The following RANBP2 variants were observed in gnomAD, a reference collection of about 807,000 sequenced individuals.
RANBP2 encodes RAN binding protein 2.
Under a neutral mutation model 303.6 loss-of-function variants are expected in RANBP2, and 57 were observed. The observed-to-expected ratio is 0.19, with a 90% CI of 0.15 to 0.23. RANBP2 has a LOEUF of 0.23. RANBP2 is among the 10% of genes least tolerant of loss of function. The probability of loss-of-function intolerance (pLI) is 1.00; values close to 1 mark genes in which losing one functional copy is unlikely to be tolerated. For synonymous variants in RANBP2, 1,167 were observed against 1,301.5 expected, an observed-to-expected ratio of 0.90 and a Z score of 2.23; for missense variants, 3,138 against 3,780.8, an observed-to-expected ratio of 0.83 and a Z score of 4.46.
chr2:109,623,165 TC>T, the RANBP2 span, among the ~76,000 whole-genome samples: 1 of 152,132 alleles, frequency 6.6e-6, no homozygotes, highest in Non-Finnish European at 1.5e-5. Flanking sequence ...AAAAGATAGT[TC>T]ATTTTGGCAC....
the RANBP2 span, among the ~76,000 whole-genome samples, chr2:109,501,059 G>A: frequency 2.0e-5 from 3 of 152,320 alleles, no homozygotes; most frequent in South Asian, 6.2e-4. Context: ...CTTTTCAGAG[G>A]AACCTGCAGA....
chr2:108,933,253 G>A, the RANBP2 span, among the ~76,000 whole-genome samples: 42 of 152,290 alleles, frequency 2.8e-4, no homozygotes, highest in Admixed American at 4.6e-4. Context: ...AACTGAAATC[G>A]GGTGGGGGTG....
the RANBP2 span, among the ~76,000 whole-genome samples, chr2:109,056,678 A>G: frequency 6.6e-6 from 1 of 152,352 alleles, no homozygotes; most frequent in East Asian, 1.9e-4. Context: ...ATTGGTTCTT[A>G]GAAGTTGATG....
the RANBP2 span, among the ~76,000 whole-genome samples, chr2:109,686,751 A>G: frequency 6.6e-6 from 1 of 152,120 alleles, no homozygotes; most frequent in South Asian, 2.1e-4. Flanking sequence ...AGCTGGGACC[A>G]GATGTGTGTG....
chr2:109,419,389 CA>C, the RANBP2 span: 1 of 753,910 alleles, frequency 1.3e-6, no homozygotes, highest in African/African-American at 1.8e-5. Context: ...CCTCCCATGA[CA>C]GTCCAGGTAG....
Position 108,752,091 on chromosome 2 carries a change from G to A in RANBP2, c.1755+97G>A. 11 of 1,596,386 alleles carry A rather than the reference G, an allele frequency of 6.9e-6. No homozygotes were observed. The South Asian group carries it at 1.2e-4, about 18-fold the overall frequency. Reference sequence around the variant, plus strand: ...AAGTTTTTTTGTTCTGAAAACAGCAGCTTGGTCACATTATGACAGATGTGT... The same window carrying A: ...AAGTTTTTTTGTTCTGAAAACAGCAACTTGGTCACATTATGACAGATGTGT... On this transcript the variant is annotated intron_variant, in intron 12 of 28. Transcript: ENST00000283195.
At chr2:109,092,339 C>T in the RANBP2 span, among the ~76,000 whole-genome samples, 1 of 152,076 alleles carries the variant, frequency 6.6e-6, no homozygotes, top group Non-Finnish European at 1.5e-5. Context: ...GTCATCCCTC[C>T]CCACCTGGAG....
the RANBP2 span, among the ~76,000 whole-genome samples, chr2:109,147,488 A>G: frequency 2.6e-5 from 4 of 152,236 alleles, no homozygotes; most frequent in Non-Finnish European, 5.9e-5. Flanking sequence ...CACTTGGTCA[A>G]CAGATCTGAT....
the RANBP2 span, among the ~76,000 whole-genome samples, chr2:109,078,098 A>ATATATATATATATATGGCG: frequency 2.0e-3 from 119 of 60,054 alleles, 9 homozygotes; most frequent in African/African-American, 9.3e-3. Flanking sequence ...ATATATATAT[A>ATATATATATATATATGGCG]TATATATATA....
At chr2:109,592,952 GTC>G in the RANBP2 span, 1 of 676,074 alleles carries the variant, frequency 1.5e-6, no homozygotes, top group Non-Finnish European at 2.3e-6. Flanking sequence ...ACAAACAGAA[GTC>G]TCTATCACAA....
chr2:109,391,600 C>T, the RANBP2 span, among the ~76,000 whole-genome samples: 4 of 152,154 alleles, frequency 2.6e-5, no homozygotes, highest in East Asian at 1.9e-4. Flanking sequence ...GGCTTGTGGC[C>T]GGGCAGGGAG....
the RANBP2 span, among the ~76,000 whole-genome samples, chr2:109,431,745 C>T: frequency 6.6e-6 from 1 of 152,170 alleles, no homozygotes. Context: ...GCGGTGCACA[C>T]CTGTGGTCCC....
chr2:108,798,473 C>T, the RANBP2 span: 35 of 1,613,436 alleles, frequency 2.2e-5, 1 homozygote, highest in South Asian at 1.3e-4. Flanking sequence ...ACTTCAAAAG[C>T]GAGAACGTTT....
the RANBP2 span, chr2:109,129,360 ACGCAGGCCG>A: frequency 7.9e-6 from 3 of 377,898 alleles, no homozygotes; most frequent in Non-Finnish European, 1.3e-5. Context: ...GGTCCCCGCC[ACGCAGGCCG>A]GTCGGTGAGC....
the RANBP2 span, chr2:108,906,426 C>A: frequency 1.3e-6 from 2 of 1,580,354 alleles, no homozygotes; most frequent in South Asian, 2.2e-5. Context: ...AGAAAGGAGG[C>A]AAATCCTCCA....
the RANBP2 span, among the ~76,000 whole-genome samples, chr2:108,853,907 TTA>T: frequency 8.3e-6 from 1 of 121,100 alleles, no homozygotes; most frequent in African/African-American, 3.4e-5. Flanking sequence ...ATATTATATA[TTA>T]TATAGTATAT....
the RANBP2 span, among the ~76,000 whole-genome samples, chr2:109,736,137 C>T: frequency 2.0e-5 from 3 of 152,196 alleles, no homozygotes; most frequent in Non-Finnish European, 4.4e-5. Context: ...GTTCGAATTT[C>T]GGAAGGGCAC....
At chr2:109,512,277 G>C in the RANBP2 span, among the ~76,000 whole-genome samples, 1 of 151,882 alleles carries the variant, frequency 6.6e-6, no homozygotes, top group Non-Finnish European at 1.5e-5. Context: ...CATGTGTCCC[G>C]GCCCTCCCTG....
At chr2:108,953,053 G>GAT in the RANBP2 span, among the ~76,000 whole-genome samples, 21 of 152,242 alleles carry the variant, frequency 1.4e-4, no homozygotes, top group South Asian at 4.1e-3. Flanking sequence ...GAGATATTTT[G>GAT]ATATAGGCAT....
Sources: allele counts gnomAD v4.1 joint callset (sites outside exome capture counted in the v4.1 genomes callset), GRCh38; gene constraint gnomAD v4.1.1; transcripts MANE v1.5; gene names NCBI Gene and HGNC (gene_info 2026-07-23, HGNC 2026-07-21).